The following GSPT1 variants were observed in gnomAD, a reference collection of about 807,000 sequenced individuals.
GSPT1 encodes G1 to S phase transition 1, also known as eukaryotic peptide chain release factor GTP-binding subunit ERF3A.
GSPT1 carries 20 observed loss-of-function variants against 72.5 expected under a neutral mutation model. That is an observed-to-expected ratio of 0.28 (90% confidence interval 0.19 to 0.40). GSPT1 has a LOEUF of 0.40. Among genes scored for constraint, GSPT1 ranks in the 10% least tolerant of loss-of-function variants. The pLI is 1.00. For synonymous variants in GSPT1, 334 were observed against 293.5 expected, an observed-to-expected ratio of 1.14 and a Z score of -1.41; for missense variants, 580 against 811.9, an observed-to-expected ratio of 0.71 and a Z score of 3.47.
chr16:11,876,009 G>A, intron 13 of GSPT1, 77 bp downstream of exon 13: 1 of 1,453,648 alleles, frequency 6.9e-7, no homozygotes, highest in Non-Finnish European at 9.6e-7. Context: ...AAATAAAAGT[G>A]CATCACTGTT....
chr16:11,878,623 G>T lies in GSPT1; in HGVS notation c.1429-1043C>A, dbSNP rs561338435. ...AAAAAAAAAAAAAAAAGTTTTTAAT[G>T]TAAAAATAAAATAGTTATGGAGCCT... On this transcript the variant is annotated intron_variant, in intron 11 of 14. Transcript: ENST00000434724. Among the ~76,000 whole-genome samples the T allele has an allele frequency of 1.6e-4, 24 of 149,890 alleles. No homozygotes were observed. In the South Asian group the frequency reaches 3.2e-3, roughly 20 times the overall value.
rs760271283 is a variant in GSPT1 at position 11,914,889 on chromosome 16, G to A, written c.352+480C>T. The stretch of plus-strand genomic sequence containing the variant: ...TTAAACCGTAATTACAGTTTCAATA[G>A]TAGAAAACGCAGCAGAAGACGCTCT... On this transcript the variant is annotated intron_variant, in intron 1 of 14. Transcript: ENST00000434724. The A allele has an allele frequency of 8.6e-4, 560 of 653,728 alleles. 1 individual carries two copies. The highest frequency in any genetic ancestry group is 1.3e-3 in the Admixed American group (53 of 39,754). The allele number at this position is 653,728 out of a possible 1,614,324, so 40.5% of individuals were successfully genotyped here. A position where few individuals can be genotyped will look rare whatever the true frequency, so the allele number is the denominator to read the frequency against.
At position 11,877,944 on chromosome 16, in the gene GSPT1, T is replaced by TTAA. The variant is rs1376275805; in HGVS notation, c.1429-367_1429-365dup. Among the ~76,000 whole-genome samples the TTAA allele has an allele frequency of 2.0e-5, 3 of 152,206 alleles. No individual in the cohort carries two copies. Among genetic ancestry groups the TTAA allele is most frequent in the Non-Finnish European group, 4.4e-5 (3 of 68,044 alleles). On this transcript the variant is annotated intron_variant, in intron 11 of 14. Transcript: ENST00000434724. This position sits in a 1 kb window ranked among gnomAD's most constrained non-coding sequence, Gnocchi z 4.0. ...ATTATTATGGAATTCTATGAAGGATTTAATAAACCTGTCTTCTATTACCTA... is the reference window on the plus strand; with the variant it reads ...ATTATTATGGAATTCTATGAAGGATTTAATAATAAACCTGTCTTCTATTACCTA...
At position 11,871,162 on chromosome 16, in the gene GSPT1, T is replaced by A. The variant is rs2053973779; in HGVS notation, c.*1957A>T. ...ATTTGCAGACATAATAAAATCTATTTAAATTTCATGCAATAGCCATAATTA... is the reference window on the plus strand; with the variant it reads ...ATTTGCAGACATAATAAAATCTATTAAAATTTCATGCAATAGCCATAATTA... On this transcript the variant is annotated 3_prime_UTR_variant, in exon 15 of 15. Transcript: ENST00000434724. 6.6e-6 allele frequency: 1 copy of A among 152,216 alleles called. No individual in the cohort carries two copies. Among genetic ancestry groups the A allele is most frequent in the African/African-American group, 2.4e-5 (1 of 41,450 alleles). 9.4% of individuals were successfully genotyped at this position (152,216 alleles called of 1,614,324 possible).
At chr16:11,883,336 G>A (rs1170521839) in intron 10 of GSPT1, among the ~76,000 whole-genome samples, 1 of 151,810 alleles carries the variant, frequency 6.6e-6, no homozygotes, top group African/African-American at 2.4e-5. Context: ...GGCACAAGCT[G>A]GATGTGGTGG....
At chr16:11,879,918 A>C (rs1400432695) in intron 11 of GSPT1, among the ~76,000 whole-genome samples, 1 of 152,210 alleles carries the variant, frequency 6.6e-6, no homozygotes, top group African/African-American at 2.4e-5. Context: ...TTTCAATAGT[A>C]CACCTAAATT....
At chr16:11,897,300 C>T (rs192338668) in intron 3 of GSPT1, among the ~76,000 whole-genome samples, 6 of 152,172 alleles carry the variant, frequency 3.9e-5, no homozygotes, top group Non-Finnish European at 7.4e-5. Context: ...GAAAACAGAA[C>T]GTGTGGCCGA....
chr16:11,914,702 T>G (rs1215996387), intron 1 of GSPT1, among the ~76,000 whole-genome samples: 2 of 152,204 alleles, frequency 1.3e-5, no homozygotes, highest in Non-Finnish European at 2.9e-5. Flanking sequence ...CTATCACACA[T>G]TAAGTGAGGA....
intron 1 of GSPT1, among the ~76,000 whole-genome samples, chr16:11,912,460 C>T (rs1300751564): frequency 6.6e-6 from 1 of 151,856 alleles, no homozygotes; most frequent in Non-Finnish European, 1.5e-5. Context: ...TTCCACAATA[C>T]AATCTGCTAA....
At chr16:11,888,540 T>G (rs1224202250) in intron 6 of GSPT1, among the ~76,000 whole-genome samples, 1 of 151,062 alleles carries the variant, frequency 6.6e-6, no homozygotes, top group Non-Finnish European at 1.5e-5. Context: ...GGCAGGCGGA[T>G]CACCTGAGGT....
chr16:11,913,916 C>A (rs535509865), intron 1 of GSPT1, among the ~76,000 whole-genome samples: 9 of 152,352 alleles, frequency 5.9e-5, no homozygotes, highest in Non-Finnish European at 7.3e-5. Flanking sequence ...ACCAAATCAA[C>A]CGTGCTGACG....
At position 11,883,154 on chromosome 16, in the gene GSPT1, A is replaced by G. The variant is rs1460199249; in HGVS notation, c.1348-59T>C. On this transcript the variant is annotated intron_variant, in intron 10 of 14. Transcript: ENST00000434724. ...CTTCTTGGTGCTGTATAACAGCTCA[A>G]TAGCCCAAAGTGAAATTCTACACTG... 2.3e-5 allele frequency: 24 copies of G among 1,027,904 alleles called. No homozygotes were observed. The East Asian group carries it at 4.0e-4, about 17-fold the overall frequency. 63.7% of individuals were successfully genotyped at this position (1,027,904 alleles called of 1,614,324 possible).
At chr16:11,897,362 G>A (rs1410185611) in intron 3 of GSPT1, among the ~76,000 whole-genome samples, 2 of 152,098 alleles carry the variant, frequency 1.3e-5, no homozygotes, top group African/African-American at 4.8e-5. Context: ...CGAGGTGGGT[G>A]GATCACGAGG....
In GSPT1 at chr16:11,871,742, T is replaced by C. The variant is rs1167628812; in HGVS notation, c.*1377A>G. On this transcript the variant is annotated 3_prime_UTR_variant, in exon 15 of 15. Coordinates refer to ENST00000434724, the MANE Select transcript of GSPT1 (RefSeq NM_002094.4). ...TCTAAAAGAGGCTATCTTTGATCAA[T>C]GGCAACACTCAACATCAAGGGGGCT... is the stretch of plus-strand genomic sequence containing the variant. The C allele has an allele frequency of 6.6e-6, 1 of 152,200 alleles. No individual in the cohort carries two copies. The highest frequency in any genetic ancestry group is 1.5e-5 in the Non-Finnish European group (1 of 68,024). 9.4% of individuals were successfully genotyped at this position (152,200 alleles called of 1,614,324 possible). A position where few individuals can be genotyped will look rare whatever the true frequency, so the allele number is the denominator to read the frequency against.
intron 1 of GSPT1, chr16:11,903,852 T>C (rs919501404): frequency 2.0e-5 from 3 of 152,374 alleles, no homozygotes; most frequent in Non-Finnish European, 4.4e-5. Flanking sequence ...TCATGTGTCG[T>C]AGTTCAGGAA....
intron 1 of GSPT1, among the ~76,000 whole-genome samples, chr16:11,909,763 A>G (rs560997802): frequency 6.6e-6 from 1 of 152,178 alleles, no homozygotes; most frequent in Non-Finnish European, 1.5e-5. Context: ...CATCTCTACT[A>G]AAAATACAAA....
At chr16:11,883,911 C>CAA (rs567658399) in intron 10 of GSPT1, among the ~76,000 whole-genome samples, 21 of 92,100 alleles carry the variant, frequency 2.3e-4, no homozygotes, top group African/African-American at 7.8e-4. Context: ...GACTCCATCT[C>CAA]AAAAAAAAAA....
Position 11,885,292 on chromosome 16 carries a change from A to G in GSPT1, c.1254-18T>C. On this transcript the variant is annotated intron_variant, in intron 9 of 14. Coordinates refer to ENST00000434724, the MANE Select transcript of GSPT1 (RefSeq NM_002094.4). The stretch of plus-strand genomic sequence containing the variant: ...GTAATCCACTGAGAACATAACAACA[A>G]AGCCATTAAAGGAAGTCAACATAAA... 1 of 1,198,642 alleles carries G rather than the reference A, an allele frequency of 8.3e-7. No homozygotes were observed. Among genetic ancestry groups the G allele is most frequent in the Non-Finnish European group, 1.2e-6 (1 of 803,264 alleles). The allele number at this position is 1,198,642 out of a possible 1,614,324, so 74.3% of individuals were successfully genotyped here.
intron 11 of GSPT1, among the ~76,000 whole-genome samples, chr16:11,879,355 C>G (rs2054090817): frequency 6.6e-6 from 1 of 151,756 alleles, no homozygotes; most frequent in Non-Finnish European, 1.5e-5. Flanking sequence ...GATGGCGCCA[C>G]TGTACTCCAG....
Sources: gnomAD v4.1 joint callset for allele counts (sites outside exome capture counted in the v4.1 genomes callset) on GRCh38, gnomAD v4.1.1 for gene constraint, Gnocchi (gnomAD v3.1) non-coding constraint, MANE v1.5 for transcripts, NCBI Gene and HGNC (gene_info 2026-07-23, HGNC 2026-07-21) for gene names.